Variants in HS6ST3 observed in about 807,000 individuals in gnomAD.
HS6ST3 encodes the protein heparan sulfate 6-O-sulfotransferase 3.
Under a neutral mutation model 36.7 loss-of-function variants are expected in HS6ST3, and 12 were observed. The observed-to-expected ratio is 0.33, with a 90% CI of 0.21 to 0.53. The LOEUF is 0.53. Ranked by LOEUF, HS6ST3 falls within the 20% of genes least tolerant of loss-of-function variation. The pLI, the probability that HS6ST3 is intolerant of heterozygous loss-of-function variation, is 0.95. For synonymous variants in HS6ST3, 240 were observed against 257.5 expected (o/e 0.93, Z 0.65); for missense variants, 584 against 640.9 (o/e 0.91, Z 0.96).
chr13:96,460,795 C>A (rs911596185), intron 1 of HS6ST3, among the ~76,000 whole-genome samples: 1 of 152,116 alleles, frequency 6.6e-6, no homozygotes, highest in Admixed American at 6.6e-5. Context: ...TGGCAGTGTG[C>A]CCACTCAGCA....
chr13:96,494,522 C>A (rs1448671481), intron 1 of HS6ST3, among the ~76,000 whole-genome samples: 9 of 150,576 alleles, frequency 6.0e-5, no homozygotes. Flanking sequence ...TGCACATGTA[C>A]CCTAAAACTT....
At chr13:96,393,655 C>T (rs570249065) in intron 1 of HS6ST3, among the ~76,000 whole-genome samples, 30 of 152,240 alleles carry the variant, frequency 2.0e-4, no homozygotes, top group Middle Eastern at 3.4e-3. Flanking sequence ...TGCGGCATTG[C>T]TTTTTGACTC....
At chr13:96,615,335 C>T (rs1416260169) in intron 1 of HS6ST3, among the ~76,000 whole-genome samples, 1 of 152,158 alleles carries the variant, frequency 6.6e-6, no homozygotes, top group Non-Finnish European at 1.5e-5. Flanking sequence ...TCTTTTTACC[C>T]ACCCTTCAAA....
intron 1 of HS6ST3, among the ~76,000 whole-genome samples, chr13:96,803,838 G>A (rs886372889): frequency 6.6e-6 from 1 of 152,142 alleles, no homozygotes; most frequent in Non-Finnish European, 1.5e-5. Flanking sequence ...ACTTAGTAAT[G>A]TGGAATATAC....
At chr13:96,520,540 G>A (rs572236456) in intron 1 of HS6ST3, among the ~76,000 whole-genome samples, 1 of 152,076 alleles carries the variant, frequency 6.6e-6, no homozygotes, top group Non-Finnish European at 1.5e-5. Flanking sequence ...TTGAGCAGTG[G>A]TTTGTAGTTC....
chr13:96,090,135 A>G lies in HS6ST3; in HGVS notation c.-728A>G, dbSNP rs1011932443. On this transcript the variant is annotated 5_prime_UTR_variant, in exon 1 of 2. Transcript: ENST00000376705. Reference sequence around the variant, plus strand: ...CCGGCTGGCGGGTTGTGGCGGTGCCAGCCTGTGTGTGCGAGTGTGTCTGCG... The same window carrying G: ...CCGGCTGGCGGGTTGTGGCGGTGCCGGCCTGTGTGTGCGAGTGTGTCTGCG... 6.6e-6 allele frequency among the ~76,000 whole-genome samples: 1 copy of G among 151,992 alleles called. No homozygotes were observed. Among genetic ancestry groups the G allele is most frequent in the Non-Finnish European group, 1.5e-5 (1 of 67,956 alleles).
At chr13:96,370,043 C>A (rs1165984967) in intron 1 of HS6ST3, among the ~76,000 whole-genome samples, 1 of 152,044 alleles carries the variant, frequency 6.6e-6, no homozygotes, top group Non-Finnish European at 1.5e-5. Flanking sequence ...GAGGTTTGGT[C>A]TAGATCAATG....
chr13:96,790,775 T>G (rs532930297), intron 1 of HS6ST3, among the ~76,000 whole-genome samples: 1 of 152,212 alleles, frequency 6.6e-6, no homozygotes, highest in South Asian at 2.1e-4. Context: ...TATGTCTCGA[T>G]AGCAGTCACC....
intron 1 of HS6ST3, among the ~76,000 whole-genome samples, chr13:96,700,576 T>G (rs942112462): frequency 6.6e-6 from 1 of 152,236 alleles, no homozygotes; most frequent in Non-Finnish European, 1.5e-5. Flanking sequence ...TCATGTATGT[T>G]GTTGAAATTT....
Position 96,304,711 on chromosome 13 carries a change from C to CTTTCTTTCTTTCTTTCTT in HS6ST3, c.707+213145_707+213146insCTTTCTTTCTTTCTTTTT, listed in dbSNP as rs766397124. ...TCTTTCTTTCTTTCTTTCTTTCTTT[C>CTTTCTTTCTTTCTTTCTT]TTTTTTTTTTTTTTTTTTTTACAGA... On this transcript the variant is annotated intron_variant, in intron 1 of 1. Coordinates refer to ENST00000376705, the MANE Select transcript of HS6ST3 (RefSeq NM_153456.4). Among the ~76,000 whole-genome samples the CTTTCTTTCTTTCTTTCTT allele has an allele frequency of 2.0e-3, 179 of 89,324 alleles. 4 individuals carry two copies. Among genetic ancestry groups the CTTTCTTTCTTTCTTTCTT allele is most frequent in the African/African-American group, 7.6e-3 (173 of 22,716 alleles). The allele number at this position is 89,324 out of a possible 152,430, so 58.6% of individuals were successfully genotyped here.
intron 1 of HS6ST3, among the ~76,000 whole-genome samples, chr13:96,452,642 G>A (rs987166104): frequency 3.3e-5 from 5 of 151,802 alleles, no homozygotes; most frequent in African/African-American, 1.2e-4. Flanking sequence ...ATGCAATTAA[G>A]GGAACTGTTA....
chr13:96,768,984 A>G (rs1877190477), intron 1 of HS6ST3, among the ~76,000 whole-genome samples: 1 of 152,080 alleles, frequency 6.6e-6, no homozygotes, highest in African/African-American at 2.4e-5. Flanking sequence ...AGCTCTAACA[A>G]ACTCTGGGAG....
intron 1 of HS6ST3, among the ~76,000 whole-genome samples, chr13:96,611,832 G>T (rs2056458001): frequency 6.6e-6 from 1 of 152,178 alleles, no homozygotes; most frequent in Non-Finnish European, 1.5e-5. Flanking sequence ...CAAGACTGGG[G>T]TCAACAGGAA....
intron 1 of HS6ST3, among the ~76,000 whole-genome samples, chr13:96,189,104 A>G (rs1162094143): frequency 1.3e-5 from 2 of 152,252 alleles, no homozygotes; most frequent in African/African-American, 4.8e-5. Context: ...ATAAAATTTC[A>G]TGACTTGATT....
chr13:96,310,112 G>T (rs919118118), intron 1 of HS6ST3, among the ~76,000 whole-genome samples: 11 of 152,012 alleles, frequency 7.2e-5, no homozygotes, highest in South Asian at 2.1e-4. Flanking sequence ...TACTCTTCAA[G>T]AATTTTATAT....
chr13:96,382,792 G>A (rs925193117), intron 1 of HS6ST3, among the ~76,000 whole-genome samples: 5 of 152,080 alleles, frequency 3.3e-5, no homozygotes, highest in African/African-American at 1.2e-4. Flanking sequence ...TAATATCAAA[G>A]TTATGAAGAA....
chr13:96,520,163 G>A (rs1031586769), intron 1 of HS6ST3, among the ~76,000 whole-genome samples: 5 of 152,140 alleles, frequency 3.3e-5, no homozygotes, highest in Admixed American at 2.6e-4. Flanking sequence ...TCAGTTGGTG[G>A]TAGACGTGTG....
intron 1 of HS6ST3, among the ~76,000 whole-genome samples, chr13:96,688,360 A>G (rs561111462): frequency 1.0e-3 from 158 of 152,056 alleles, no homozygotes; most frequent in African/African-American, 3.5e-3. Context: ...AATTTGTTTT[A>G]TATTTTAAAT....
intron 1 of HS6ST3, among the ~76,000 whole-genome samples, chr13:96,718,650 T>C (rs1040069581): frequency 6.6e-6 from 1 of 152,198 alleles, no homozygotes; most frequent in Non-Finnish European, 1.5e-5. Flanking sequence ...TTAGTAAGTT[T>C]TATATAAAGT....
Sources: allele counts gnomAD v4.1 joint callset (sites outside exome capture counted in the v4.1 genomes callset), GRCh38; gene constraint gnomAD v4.1.1; transcripts MANE v1.5; gene names NCBI Gene and HGNC (gene_info 2026-07-23, HGNC 2026-07-21).